NRXN3: variants seen among roughly 807,000 people sequenced by gnomAD.
The protein encoded by NRXN3 is neurexin III.
NRXN3 carries 32 observed loss-of-function variants against 137.6 expected under a neutral mutation model. The ratio of observed to expected loss-of-function variants is 0.23; its 90% CI spans 0.18 to 0.31. The LOEUF (loss-of-function observed/expected upper bound fraction) is 0.31. NRXN3 is among the 10% of genes least tolerant of loss of function. The probability of loss-of-function intolerance (pLI) is 1.00; values close to 1 mark genes in which losing one functional copy is unlikely to be tolerated. For missense variants in NRXN3, 1,574 were observed against 2,062.5 expected, an observed-to-expected ratio of 0.76 and a Z score of 4.59; for synonymous variants, 798 against 784.5, an observed-to-expected ratio of 1.02 and a Z score of -0.29.
At chr14:78,971,762 A>G (rs562101494) in intron 14 of NRXN3, among the ~76,000 whole-genome samples, 29 of 152,136 alleles carry the variant, frequency 1.9e-4, no homozygotes, top group Non-Finnish European at 3.5e-4. Context: ...CAGCCTCCCA[A>G]GTAGCTGGGA....
At chr14:78,172,274 G>C (rs2058795445) in intron 1 of NRXN3, among the ~76,000 whole-genome samples, 1 of 152,184 alleles carries the variant, frequency 6.6e-6, no homozygotes, top group African/African-American at 2.4e-5. Context: ...CTGGAGGTTA[G>C]TCTGGGGAGG....
intron 4 of NRXN3, among the ~76,000 whole-genome samples, chr14:78,487,698 T>G (rs1431652859): frequency 6.6e-6 from 1 of 151,610 alleles, no homozygotes; most frequent in Admixed American, 6.6e-5. Flanking sequence ...GCTGAGATCA[T>G]GCCACCACAC....
chr14:78,268,508 C>A (rs1041310071), intron 2 of NRXN3, among the ~76,000 whole-genome samples: 1 of 152,118 alleles, frequency 6.6e-6, no homozygotes. Flanking sequence ...GTGGTCTCAG[C>A]GAGCACACAC....
intron 15 of NRXN3, among the ~76,000 whole-genome samples, chr14:79,413,195 T>C (rs574235501): frequency 6.6e-6 from 1 of 152,304 alleles, no homozygotes; most frequent in South Asian, 2.1e-4. Context: ...CTTTCTACTG[T>C]GCTTCTCTCT....
chr14:79,603,785 T>A (rs1035537418), intron 16 of NRXN3, among the ~76,000 whole-genome samples: 1 of 152,044 alleles, frequency 6.6e-6, no homozygotes, highest in African/African-American at 2.4e-5. Context: ...CAAAGGAAAA[T>A]GAATTATCAG....
chr14:79,667,228 C>T (rs1237267408), intron 17 of NRXN3, among the ~76,000 whole-genome samples: 1 of 152,046 alleles, frequency 6.6e-6, no homozygotes, highest in Non-Finnish European at 1.5e-5. Flanking sequence ...TTTCTAAAGT[C>T]ATTCTATTTT....
In NRXN3 at chr14:78,988,032, C is replaced by T; in HGVS notation, c.3153C>T (p.Thr1051=). 1 of 1,613,684 alleles carries T rather than the reference C, an allele frequency of 6.2e-7. No homozygotes were observed. Among genetic ancestry groups the T allele is most frequent in the African/African-American group, 1.3e-5 (1 of 74,992 alleles). ...CTTGTGCATTACTAGGACCCAGTAC[C>T]ACCTGCCAGGAAGATTCATGTGCCA... ...QIERGCEGPS[T]TCQEDSCANQ... is the part of the protein sequence containing the mutation. Residue 1051 remains threonine (T), a synonymous_variant, in exon 15 of 21, where the codon ACC becomes ACT. Transcript: ENST00000335750.
At chr14:78,569,409 G>A (rs547917040) in intron 4 of NRXN3, among the ~76,000 whole-genome samples, 1 of 151,526 alleles carries the variant, frequency 6.6e-6, no homozygotes, top group East Asian at 2.0e-4. Context: ...GGGACTACAG[G>A]TGCCCACTAC....
At chr14:78,182,417 C>G (rs1171392446) in intron 1 of NRXN3, among the ~76,000 whole-genome samples, 1 of 151,980 alleles carries the variant, frequency 6.6e-6, no homozygotes, top group Non-Finnish European at 1.5e-5. Flanking sequence ...TACTGATAAT[C>G]CTGGCCACGT....
intron 6 of NRXN3, among the ~76,000 whole-genome samples, chr14:78,661,964 A>G (rs2097845683): frequency 6.7e-6 from 1 of 148,818 alleles, no homozygotes; most frequent in Non-Finnish European, 1.5e-5. Flanking sequence ...ATCTCGGCTC[A>G]CTGCACCCTC....
intron 19 of NRXN3, among the ~76,000 whole-genome samples, chr14:79,763,718 G>A (rs2099046740): frequency 6.6e-6 from 1 of 151,528 alleles, no homozygotes; most frequent in Non-Finnish European, 1.5e-5. Context: ...AAAGGACAAG[G>A]GGTCTTTCTG....
At chr14:79,188,401 T>TC (rs1233861844) in intron 15 of NRXN3, among the ~76,000 whole-genome samples, 1 of 152,044 alleles carries the variant, frequency 6.6e-6, no homozygotes. Context: ...TACATATTTT[T>TC]TTTTTTAGAA....
At chr14:79,326,066 C>T (rs1450815629) in intron 15 of NRXN3, among the ~76,000 whole-genome samples, 2 of 152,204 alleles carry the variant, frequency 1.3e-5, no homozygotes, top group African/African-American at 4.8e-5. Flanking sequence ...TTTCCAAGTA[C>T]TGTCTATTTG....
At chr14:79,348,885 C>T (rs1011128048) in intron 15 of NRXN3, among the ~76,000 whole-genome samples, 4 of 152,166 alleles carry the variant, frequency 2.6e-5, no homozygotes, top group African/African-American at 9.7e-5. Context: ...GGCGATTTCT[C>T]CACTCCTTTA....
chr14:78,406,383 A>C (rs986667089), intron 4 of NRXN3, among the ~76,000 whole-genome samples: 2 of 152,168 alleles, frequency 1.3e-5, no homozygotes, highest in Non-Finnish European at 2.9e-5. Context: ...CGGGAGTTTC[A>C]GTCCCCTACA....
chr14:79,723,095 G>A (rs576974715), intron 19 of NRXN3, among the ~76,000 whole-genome samples: 116 of 152,186 alleles, frequency 7.6e-4, no homozygotes, highest in African/African-American at 2.6e-3. Flanking sequence ...TAGGAGTCTA[G>A]GAAACCTAGG....
At chr14:79,076,544 G>A (rs764597571) in intron 15 of NRXN3, among the ~76,000 whole-genome samples, 5 of 152,288 alleles carry the variant, frequency 3.3e-5, no homozygotes, top group Middle Eastern at 3.4e-3. Context: ...CCTTTCTACA[G>A]GACAGCTTAC....
At chr14:79,292,574 T>C (rs1483187838) in intron 15 of NRXN3, among the ~76,000 whole-genome samples, 3 of 152,240 alleles carry the variant, frequency 2.0e-5, no homozygotes, top group Admixed American at 2.0e-4. Flanking sequence ...AAAATTCCAA[T>C]GATTTCTAAA....
chr14:79,158,553 A>G (rs10140016), intron 15 of NRXN3, among the ~76,000 whole-genome samples: 2,803 of 151,914 alleles, frequency 0.018, 84 homozygotes, highest in African/African-American at 0.064. Context: ...CTTCTTTACT[A>G]CCATCACTGG....
Sources: allele counts gnomAD v4.1 joint callset (sites outside exome capture counted in the v4.1 genomes callset), GRCh38; gene constraint gnomAD v4.1.1; transcripts MANE v1.5; gene names NCBI Gene and HGNC (gene_info 2026-07-23, HGNC 2026-07-21).